MACF1: variants seen among roughly 807,000 people sequenced by gnomAD.
MACF1 encodes microtubule actin crosslinking factor 1, also known as microtubule-actin cross-linking factor 1.
MACF1 carries 193 observed loss-of-function variants against 854.8 expected under a neutral mutation model. The ratio of observed to expected loss-of-function variants is 0.23; its 90% CI spans 0.20 to 0.25. The LOEUF is 0.25. MACF1 is among the 10% of genes least tolerant of loss of function. The pLI is 1.00. For synonymous variants in MACF1, 3,185 were observed against 3,226.7 expected (o/e 0.99, Z 0.44); for missense variants, 7,722 against 8,929.1 (o/e 0.86, Z 5.45).
At chr1:39,437,119 G>A (rs1643996472) in intron 70 of MACF1, among the ~76,000 whole-genome samples, 1 of 152,090 alleles carries the variant, frequency 6.6e-6, no homozygotes, top group African/African-American at 2.4e-5. Context: ...CTGACTCTCA[G>A]CAGTTTCATA....
Position 39,320,247 on chromosome 1 carries a change from T to C in MACF1, c.4029+500T>C, listed in dbSNP as rs1646489172. ...TCACATTCCAGTGAAGAATCTTCTTTAGACTACTACAGTACCCTCTGAGCT... is the reference window on the plus strand; with the variant it reads ...TCACATTCCAGTGAAGAATCTTCTTCAGACTACTACAGTACCCTCTGAGCT... On this transcript the variant is annotated intron_variant, in intron 31 of 100. Coordinates refer to ENST00000564288, the MANE Select transcript of MACF1 (RefSeq NM_001394062.1). Among the ~76,000 whole-genome samples, 2 of 152,230 alleles carry C rather than the reference T, an allele frequency of 1.3e-5. 1 individual carries two copies.
In MACF1 at chr1:39,333,636, A is replaced by G; in HGVS notation, c.7048A>G (p.Ile2350Val). ...TCESLTTEEV[I>V]NEGLMDEKLL... ...TGAGTCTTTGACAACTGAAGAAGTC[A>G]TTAATGAAGGTCTGATGGATGAGAA... is the stretch of plus-strand genomic sequence containing the variant. Residue 2350 changes from isoleucine (I) to valine (V), a missense_variant, in exon 37 of 101, where the codon ATT (isoleucine) becomes GTT (valine). Transcript: ENST00000564288. 1.9e-6 allele frequency: 3 copies of G among 1,614,240 alleles called. No homozygotes were observed. The highest frequency in any genetic ancestry group is 2.5e-6 in the Non-Finnish European group (3 of 1,180,036).
Position 39,361,493 on chromosome 1 carries a change from G to A in MACF1, c.12587G>A (p.Arg4196Gln), listed in dbSNP as rs377759390. The change falls in exon 49 of 101, where the codon CGG becomes CAG. Residue 4196 changes from arginine to glutamine, a missense_variant. Arg to Gln is a conservative substitution (Grantham distance 43, BLOSUM62 1). Coordinates refer to ENST00000564288, the MANE Select transcript of MACF1 (RefSeq NM_001394062.1). The part of the protein sequence containing the change: ...LQGKLAEVSQ[R>Q]FEQLCLQQQE... ...GGCAAACTGGCAGAGGTGAGCCAGCGGTTCGAACAGCTCTGTCTACAGCAG... is the reference window on the plus strand; with the variant it reads ...GGCAAACTGGCAGAGGTGAGCCAGCAGTTCGAACAGCTCTGTCTACAGCAG... The A allele has an allele frequency of 5.0e-5, 80 of 1,614,038 alleles. No individual in the cohort carries two copies. The highest frequency in any genetic ancestry group is 4.4e-5 in the Non-Finnish European group (52 of 1,180,052).
chr1:39,163,559 A>G (rs1400020502), intron 2 of MACF1, among the ~76,000 whole-genome samples: 5 of 152,164 alleles, frequency 3.3e-5, no homozygotes, highest in Admixed American at 2.0e-4. Flanking sequence ...TTGAACAGCA[A>G]CAGTATTGTT....
At chr1:39,169,378 T>C (rs1643915337) in intron 2 of MACF1, among the ~76,000 whole-genome samples, 1 of 152,194 alleles carries the variant, frequency 6.6e-6, no homozygotes, top group South Asian at 2.1e-4. Flanking sequence ...GAAGGATTGC[T>C]TGAGGTCAGG....
At chr1:39,480,846 C>T in intron 98 of MACF1, 74 bp from the exon 99 acceptor site, 2 of 733,534 alleles carry the variant, frequency 2.7e-6, no homozygotes, top group Admixed American at 2.5e-5. Context: ...TTATTTTTTT[C>T]TGTTCCCAAT....
rs867449713 is a variant in MACF1, at chr1:39,277,577, T to C, written c.529-4631T>C. Among the ~76,000 whole-genome samples, 15 of 152,328 alleles carry C rather than the reference T, an allele frequency of 9.8e-5. 1 individual carries two copies. The Middle Eastern group carries it at 0.027, about 276-fold the overall frequency. On this transcript the variant is annotated intron_variant, in intron 6 of 100. Transcript: ENST00000564288. ...ATTTGGGATAATCATATGTTAGTTA[T>C]GGCATGTCTCAACTAAGTTCTTGCA...
intron 2 of MACF1, among the ~76,000 whole-genome samples, chr1:39,174,689 C>A (rs754336013): frequency 2.0e-5 from 3 of 152,178 alleles, no homozygotes; most frequent in Non-Finnish European, 4.4e-5. Context: ...GGGTTGTGTA[C>A]TTTCGTAGTC....
At chr1:39,184,534 TTTC>T (rs1644142999) in intron 2 of MACF1, among the ~76,000 whole-genome samples, 1 of 152,140 alleles carries the variant, frequency 6.6e-6, no homozygotes, top group Non-Finnish European at 1.5e-5. Context: ...TGGTGGTGTT[TTTC>T]TTCTTTGAGT....
At chr1:39,400,751 G>A (rs1206425492) in intron 58 of MACF1, among the ~76,000 whole-genome samples, 2 of 151,956 alleles carry the variant, frequency 1.3e-5, no homozygotes, top group African/African-American at 2.4e-5. Flanking sequence ...CAAGTGATCC[G>A]CCCACCTCAG....
chr1:39,197,926 A>T (rs1374345563), intron 2 of MACF1, among the ~76,000 whole-genome samples: 1 of 151,934 alleles, frequency 6.6e-6, no homozygotes, highest in Non-Finnish European at 1.5e-5. Context: ...TGCCAAGTGG[A>T]GTGGCTCATG....
chr1:39,358,216 A>G (rs1223333303), intron 45 of MACF1, among the ~76,000 whole-genome samples: 2 of 152,172 alleles, frequency 1.3e-5, no homozygotes, highest in Admixed American at 6.5e-5. Context: ...ACACAGGGGA[A>G]ATTTAAACCA....
At chr1:39,304,964 T>C (rs2148423578) in intron 23 of MACF1, 1 of 151,942 alleles carries the variant, frequency 6.6e-6, no homozygotes, top group East Asian at 1.9e-4. Context: ...TTAATTTTTA[T>C]TAAAGTAATA....
intron 52 of MACF1, among the ~76,000 whole-genome samples, chr1:39,375,411 C>G (rs561667304): frequency 4.6e-5 from 7 of 152,096 alleles, no homozygotes; most frequent in Non-Finnish European, 5.9e-5. Flanking sequence ...ATGCCATTCT[C>G]CTGCCTCAGC....
At chr1:39,284,844 G>A (rs1034248250) in intron 11 of MACF1, among the ~76,000 whole-genome samples, 2 of 152,206 alleles carry the variant, frequency 1.3e-5, no homozygotes, top group Admixed American at 6.5e-5. Flanking sequence ...TTTATAGAAA[G>A]TGTAAAAGGA....
At chr1:39,157,897 G>C (rs903511392) in intron 2 of MACF1, among the ~76,000 whole-genome samples, 2 of 152,042 alleles carry the variant, frequency 1.3e-5, no homozygotes, top group African/African-American at 4.8e-5. Flanking sequence ...TTGTAGAGAC[G>C]GGGTTTTGCC....
chr1:39,169,646 C>A (rs1643919923), intron 2 of MACF1, among the ~76,000 whole-genome samples: 1 of 151,778 alleles, frequency 6.6e-6, no homozygotes, highest in South Asian at 2.1e-4. Context: ...TCATCCCCTT[C>A]CTACTTAACC....
chr1:39,360,316 A>G (rs977756740), intron 47 of MACF1, among the ~76,000 whole-genome samples: 1 of 151,740 alleles, frequency 6.6e-6, no homozygotes, highest in African/African-American at 2.4e-5. Context: ...TTTGATTTTT[A>G]TCATTAATTG....
intron 26 of MACF1, among the ~76,000 whole-genome samples, chr1:39,315,109 T>C (rs1428884848): frequency 6.6e-6 from 1 of 152,220 alleles, no homozygotes; most frequent in African/African-American, 2.4e-5. Flanking sequence ...AGCTAGTCCT[T>C]TTATCCCCTT....
Sources: gnomAD v4.1 joint callset for allele counts (sites outside exome capture counted in the v4.1 genomes callset) on GRCh38, gnomAD v4.1.1 for gene constraint, MANE v1.5 for transcripts, NCBI Gene and HGNC (gene_info 2026-07-23, HGNC 2026-07-21) for gene names.